The following TRIM7 variants were observed in gnomAD, a reference collection of about 807,000 sequenced individuals.
The protein encoded by TRIM7 is E3 ubiquitin-protein ligase TRIM7.
TRIM7 carries 32 observed loss-of-function variants against 37.9 expected under a neutral mutation model. The ratio of observed to expected loss-of-function variants is 0.84; its 90% CI spans 0.64 to 1.13. TRIM7 has a LOEUF of 1.13. Among genes scored for constraint, TRIM7 ranks in the 50% most tolerant of loss-of-function variants. The pLI is 0.00. For synonymous variants in TRIM7, 351 were observed against 321.3 expected (o/e 1.09, Z -0.99); for missense variants, 732 against 714.0 (o/e 1.03, Z -0.29).
Position 181,195,089 on chromosome 5 carries a change from A to G in TRIM7, c.*77T>C, listed in dbSNP as rs766162656. 444 of 1,518,402 alleles carry G rather than the reference A, an allele frequency of 2.9e-4. 2 individuals are homozygous for G. The highest frequency in any genetic ancestry group is 6.4e-4 in the South Asian group (50 of 78,314). 94.1% of individuals were successfully genotyped at this position (1,518,402 alleles called of 1,614,324 possible). A position where few individuals can be genotyped will look rare whatever the true frequency, so the allele number is the denominator to read the frequency against. Reference sequence around the variant, plus strand: ...CAGGAGCACGGAGGGCAGACCCAAGACGGACCAGGCATCTCTGGGGAGGCG... The same window carrying G: ...CAGGAGCACGGAGGGCAGACCCAAGGCGGACCAGGCATCTCTGGGGAGGCG... On this transcript the variant is annotated 3_prime_UTR_variant, in exon 7 of 7. Coordinates refer to ENST00000274773, the MANE Select transcript of TRIM7 (RefSeq NM_203293.3).
chr5:181,198,306 C>A, intron 5 of TRIM7, 88 bp from the exon 6 acceptor site: 1 of 1,363,168 alleles, frequency 7.3e-7, no homozygotes, highest in Non-Finnish European at 1.0e-6. Flanking sequence ...CCAACTGACT[C>A]ATTCATTCCC....
chr5:181,203,719 C>G, intron 1 of TRIM7, 79 bp from the exon 2 acceptor site: 1 of 1,532,714 alleles, frequency 6.5e-7, no homozygotes, highest in Non-Finnish European at 8.7e-7. Flanking sequence ...TGGAGCCAGC[C>G]AGGAGAAAGG....
chr5:181,204,003 C>T (rs1757669528), intron 1 of TRIM7: 1 of 1,061,246 alleles, frequency 9.4e-7, no homozygotes, highest in Non-Finnish European at 1.1e-6. Context: ...CCCCGCCCCG[C>T]CCTCACCCCT....
Position 181,205,017 on chromosome 5 carries a change from A to G in TRIM7, c.94T>C (p.Cys32Arg). ...ELQGEATCSI[C>R]LELFREPVSV... is the part of the protein sequence containing the mutation. ...ACCGGCTCACGAAAGAGCTCTAGGCAGATGGAGCACGTCGCCTCGCCCTGC... is the reference window on the plus strand; with the variant it reads ...ACCGGCTCACGAAAGAGCTCTAGGCGGATGGAGCACGTCGCCTCGCCCTGC... The change falls in exon 1 of 7, where the codon TGC becomes CGC. Residue 32 changes from cysteine (C) to arginine (R), a missense_variant. Transcript: ENST00000274773. 2 of 1,471,610 alleles carry G rather than the reference A, an allele frequency of 1.4e-6. No individual in the cohort carries two copies. Among genetic ancestry groups the G allele is most frequent in the African/African-American group, 2.9e-5 (2 of 68,300 alleles). 91.2% of individuals were successfully genotyped at this position (1,471,610 alleles called of 1,614,324 possible).
chr5:181,201,246 T>C (rs1483656314), intron 2 of TRIM7, among the ~76,000 whole-genome samples: 1 of 152,180 alleles, frequency 6.6e-6, no homozygotes, highest in Non-Finnish European at 1.5e-5. Flanking sequence ...TACCACGAAA[T>C]GCCAATAGCA....
chr5:181,195,716 AG>A, intron 6 of TRIM7, 39 bp from the exon 7 acceptor site: 1 of 1,507,582 alleles, frequency 6.6e-7, no homozygotes, highest in Non-Finnish European at 8.9e-7. Context: ...CCACGCAGCC[AG>A]GCCCCTGGCA....
rs745621160 is a variant in TRIM7, at chr5:181,195,625, C to CAG, written c.1075_1076dup (p.Asp360TrpfsTer65). ...CGCCGAGGCGCACGCCCTTAAGATC[C>CAG]AGAGAGAGGATGAGGCGCGGGTTGG... On this transcript the variant is annotated frameshift_variant, in exon 7 of 7. Coordinates refer to ENST00000274773, the MANE Select transcript of TRIM7 (RefSeq NM_203293.3). LOFTEE classifies it low-confidence loss of function (END_TRUNC). 6.4e-7 allele frequency: 1 copy of CAG among 1,557,150 alleles called. No individual in the cohort carries two copies. The highest frequency in any genetic ancestry group is 1.2e-5 in the South Asian group (1 of 83,558).
rs1394343219 is a variant in TRIM7, at chr5:181,195,348, G to A, written c.1354C>T (p.Pro452Ser). The change falls in exon 7 of 7, where the codon CCC becomes TCC. Residue 452 changes from proline to serine, a missense_variant. By Grantham distance (74) the Pro-to-Ser change is moderately conservative. Coordinates refer to ENST00000274773, the MANE Select transcript of TRIM7 (RefSeq NM_203293.3). ...CGCGACAGGTGCCCGCAGCTGAGGG[G>A]CGACCGCTCGGGGCTGGTCACGGCC... The part of the protein sequence containing the change: ...YWAVTSPERS[P>S]LSCGHLSRVR... 1.3e-6 allele frequency: 2 copies of A among 1,581,884 alleles called. No individual in the cohort carries two copies. The highest frequency in any genetic ancestry group is 1.7e-6 in the Non-Finnish European group (2 of 1,164,412).
chr5:181,195,476 C>CA lies in TRIM7; in HGVS notation c.1225dup (p.Trp409LeufsTer171), dbSNP rs1268245579. ...GCTCTCGCGGGCCACGCCAAAGGCCCAGCCGTCCTTAGAGCCCACCTCCAC... is the reference window on the plus strand; with the variant it reads ...GCTCTCGCGGGCCACGCCAAAGGCCCAAGCCGTCCTTAGAGCCCACCTCCAC... On this transcript the variant is annotated frameshift_variant, in exon 7 of 7. Coordinates refer to ENST00000274773, the MANE Select transcript of TRIM7 (RefSeq NM_203293.3). LOFTEE classifies it low-confidence loss of function (END_TRUNC). The CA allele has an allele frequency of 3.7e-6, 6 of 1,612,266 alleles. No individual in the cohort carries two copies. The African/African-American group carries it at 8.0e-5, about 22-fold the overall frequency.
rs2113097864 is a variant in TRIM7 at position 181,204,652 on chromosome 5, G to A, written c.459C>T (p.Asp153=). Residue 153 remains aspartate (D), a synonymous_variant, in exon 1 of 7, where the codon GAC becomes GAT. Coordinates refer to ENST00000274773, the MANE Select transcript of TRIM7 (RefSeq NM_203293.3). The part of the protein sequence containing the change: ...DDGRAICVVC[D]RAREHREHAV... Reference sequence around the variant, plus strand: ...CGTGCTCGCGGTGCTCGCGGGCGCGGTCGCACACCACGCAGATGGCGCGTC... The same window carrying A: ...CGTGCTCGCGGTGCTCGCGGGCGCGATCGCACACCACGCAGATGGCGCGTC... 1 of 1,505,996 alleles carries A rather than the reference G, an allele frequency of 6.6e-7. No individual in the cohort carries two copies. Among genetic ancestry groups the A allele is most frequent in the Non-Finnish European group, 8.8e-7 (1 of 1,139,118 alleles). The allele number at this position is 1,505,996 out of a possible 1,614,324, so 93.3% of individuals were successfully genotyped here. A position where few individuals can be genotyped will look rare whatever the true frequency, so the allele number is the denominator to read the frequency against.
At position 181,198,680 on chromosome 5, in the gene TRIM7, A is replaced by C. The variant is rs1757289146; in HGVS notation, c.988+10T>G. 2 of 1,601,324 alleles carry C rather than the reference A, an allele frequency of 1.2e-6. No individual in the cohort carries two copies. Among genetic ancestry groups the C allele is most frequent in the African/African-American group, 1.3e-5 (1 of 74,666 alleles). ...CACTATGTGGCCCAGCTTGGCGCCC[A>C]GGCCCCTACCTTTGAACTTCTTCAG... On this transcript the variant is annotated intron_variant, in intron 5 of 6. Transcript: ENST00000274773.
At chr5:181,199,148 G>A (rs1165047381) in intron 3 of TRIM7, 31 bp from the exon 4 acceptor site, 2 of 1,613,870 alleles carry the variant, frequency 1.2e-6, no homozygotes, top group East Asian at 2.2e-5. Context: ...AACCAAATCA[G>A]CATCAGGTAA....
rs1323563589 is a variant in TRIM7, at chr5:181,200,283, C to G, written c.619-202G>C. ...CTGTAGTCTGGACACATGCTCTTTT[C>G]TCCCCTGCCACAGATGCACCCACAC... On this transcript the variant is annotated intron_variant, in intron 2 of 6. Transcript: ENST00000274773. 6 of 1,444,988 alleles carry G rather than the reference C, an allele frequency of 4.2e-6. No homozygotes were observed. The African/African-American group carries it at 7.1e-5, about 17-fold the overall frequency. The allele number at this position is 1,444,988 out of a possible 1,614,324, so 89.5% of individuals were successfully genotyped here.
chr5:181,195,113 C>G lies in TRIM7; in HGVS notation c.*53G>C. On this transcript the variant is annotated 3_prime_UTR_variant, in exon 7 of 7. Transcript: ENST00000274773. ...GACGGACCAGGCATCTCTGGGGAGG[C>G]GACATCCCCTCCCACCGGCAGCCCA... 6.5e-7 allele frequency: 1 copy of G among 1,542,172 alleles called. No individual in the cohort carries two copies. Among genetic ancestry groups the G allele is most frequent in the South Asian group, 1.2e-5 (1 of 80,502 alleles).
chr5:181,195,515 C>A lies in TRIM7; in HGVS notation c.1187G>T (p.Arg396Leu), dbSNP rs762319634. 6.2e-7 allele frequency: 1 copy of A among 1,612,522 alleles called. No homozygotes were observed. The highest frequency in any genetic ancestry group is 2.2e-5 in the East Asian group (1 of 44,880). ...GCCCACCTCCACCTCCCAGTGATGCCGGCCCGAGGAGAAGCCGCAGGACGC... is the reference window on the plus strand; with the variant it reads ...GCCCACCTCCACCTCCCAGTGATGCAGGCCCGAGGAGAAGCCGCAGGACGC... The part of the protein sequence containing the change: ...VLASCGFSSG[R>L]HHWEVEVGSK... Residue 396 changes from arginine to leucine, a missense_variant, in exon 7 of 7, where the codon CGG becomes CTG. By Grantham distance (102) the Arg-to-Leu change is moderately radical (BLOSUM62 -2). Transcript: ENST00000274773.
intron 1 of TRIM7, chr5:181,204,032 G>A (rs1009771628): frequency 1.1e-4 from 115 of 1,007,346 alleles, no homozygotes; most frequent in Admixed American, 5.6e-5. Flanking sequence ...CCTCGCTGAG[G>A]CTCAGCGAGA....
At chr5:181,195,792 C>T in intron 6 of TRIM7, 115 bp from the exon 7 acceptor site, 1 of 1,362,554 alleles carries the variant, frequency 7.3e-7, no homozygotes. Flanking sequence ...CTAGAATCCC[C>T]CCAGCACCCA....
At chr5:181,197,950 A>G in intron 6 of TRIM7, 8 of 572,108 alleles carry the variant, frequency 1.4e-5, no homozygotes, top group Non-Finnish European at 2.2e-5. Flanking sequence ...ATCTCGAGGT[A>G]CAGGGCATTC....
chr5:181,195,555 T>C lies in TRIM7; in HGVS notation c.1147A>G (p.Asn383Asp). ...LPNHPCRFDT[N>D]TRVLASCGFS... ...CCGCAGGACGCCAGGACGCGGGTGTTGGTGTCGAAGCGGCAGGGGTGGTTG... is the reference window on the plus strand; with the variant it reads ...CCGCAGGACGCCAGGACGCGGGTGTCGGTGTCGAAGCGGCAGGGGTGGTTG... The change falls in exon 7 of 7, where the codon AAC becomes GAC. Residue 383 changes from asparagine to aspartate, a missense_variant. By Grantham distance (23) the Asn-to-Asp change is conservative (BLOSUM62 1). Coordinates refer to ENST00000274773, the MANE Select transcript of TRIM7 (RefSeq NM_203293.3). 2 of 1,611,278 alleles carry C rather than the reference T, an allele frequency of 1.2e-6. No individual in the cohort carries two copies. Among genetic ancestry groups the C allele is most frequent in the East Asian group, 4.5e-5 (2 of 44,806 alleles).
Sources: gnomAD v4.1 joint callset for allele counts (sites outside exome capture counted in the v4.1 genomes callset) on GRCh38, gnomAD v4.1.1 for gene constraint, MANE v1.5 for transcripts, NCBI Gene and HGNC (gene_info 2026-07-23, HGNC 2026-07-21) for gene names.